The following OCA2 variants were observed in gnomAD, a reference collection of about 807,000 sequenced individuals.
OCA2 encodes P protein.
OCA2 carries 77 observed loss-of-function variants against 100.2 expected under a neutral mutation model. The ratio of observed to expected loss-of-function variants is 0.77; its 90% CI spans 0.64 to 0.93. The LOEUF is 0.93. Ranked by LOEUF, OCA2 falls within the 40% of genes least tolerant of loss-of-function variation. The pLI, the probability that OCA2 is intolerant of heterozygous loss-of-function variation, is 0.00. For missense variants in OCA2, 1,062 were observed against 1,089.1 expected (o/e 0.98, Z 0.35); for synonymous variants, 432 against 439.2 (o/e 0.98, Z 0.21).
At chr15:28,014,702 CAG>C (rs2042332874) in intron 9 of OCA2, 72 bp downstream of exon 9, 1 of 1,536,282 alleles carries the variant, frequency 6.5e-7, no homozygotes, top group Admixed American at 1.8e-5. Context: ...TGAGCCCATC[CAG>C]AGTGTCTCAC....
chr15:27,814,737 G>T (rs2034212152), intron 23 of OCA2, among the ~76,000 whole-genome samples: 1 of 152,076 alleles, frequency 6.6e-6, no homozygotes, highest in Non-Finnish European at 1.5e-5. Context: ...AATTAGCTGG[G>T]TGTGGTGATG....
chr15:27,904,488 G>A (rs776495889), intron 19 of OCA2, among the ~76,000 whole-genome samples: 34 of 152,170 alleles, frequency 2.2e-4, no homozygotes, highest in Non-Finnish European at 4.7e-4. Context: ...GGGGGTGGCT[G>A]AGAATGGCAG....
At chr15:27,800,631 C>T (rs556245433) in intron 23 of OCA2, among the ~76,000 whole-genome samples, 1 of 152,012 alleles carries the variant, frequency 6.6e-6, no homozygotes, top group Admixed American at 6.5e-5. Flanking sequence ...TCAAAGTTCA[C>T]CCAAGAATAA....
chr15:27,911,506 T>G (rs2038394937), intron 19 of OCA2, among the ~76,000 whole-genome samples: 1 of 152,194 alleles, frequency 6.6e-6, no homozygotes, highest in African/African-American at 2.4e-5. Flanking sequence ...AGCATCTGCA[T>G]CTGACGAGGA....
At chr15:28,081,429 C>A (rs1005721236) in intron 2 of OCA2, among the ~76,000 whole-genome samples, 1 of 152,082 alleles carries the variant, frequency 6.6e-6, no homozygotes, top group African/African-American at 2.4e-5. Context: ...GCTACAAACT[C>A]TTTTTTCTAT....
At chr15:28,054,783 G>A (rs1461828963) in intron 2 of OCA2, among the ~76,000 whole-genome samples, 1 of 152,192 alleles carries the variant, frequency 6.6e-6, no homozygotes, top group African/African-American at 2.4e-5. Context: ...AATTTATAAA[G>A]AAAAGAGGTT....
intron 11 of OCA2, among the ~76,000 whole-genome samples, chr15:27,987,319 A>G (rs535683864): frequency 6.6e-6 from 1 of 152,278 alleles, no homozygotes; most frequent in East Asian, 1.9e-4. Context: ...TCAGCTAGTG[A>G]ATGTTCTGGA....
At chr15:27,967,258 G>C (rs988335607) in intron 14 of OCA2, among the ~76,000 whole-genome samples, 1 of 152,206 alleles carries the variant, frequency 6.6e-6, no homozygotes, top group Non-Finnish European at 1.5e-5. Context: ...CAGGACCTTA[G>C]GCAGAGGTCC....
At chr15:27,840,291 T>C (rs910395762) in intron 23 of OCA2, among the ~76,000 whole-genome samples, 2 of 151,928 alleles carry the variant, frequency 1.3e-5, no homozygotes, top group South Asian at 2.1e-4. Flanking sequence ...TCTTATTTTT[T>C]GAAAAATAAA....
At chr15:28,015,863 C>T (rs1318550709) in intron 8 of OCA2, among the ~76,000 whole-genome samples, 1 of 152,124 alleles carries the variant, frequency 6.6e-6, no homozygotes, top group African/African-American at 2.4e-5. Flanking sequence ...GAACGTCAAC[C>T]AAAAAATACC....
At chr15:27,958,667 T>C (rs954830390) in intron 15 of OCA2, among the ~76,000 whole-genome samples, 1 of 152,214 alleles carries the variant, frequency 6.6e-6, no homozygotes, top group African/African-American at 2.4e-5. Context: ...TCTTAAGATA[T>C]TCAAATATTT....
intron 19 of OCA2, among the ~76,000 whole-genome samples, chr15:27,893,373 C>T (rs939751253): frequency 6.6e-6 from 1 of 152,088 alleles, no homozygotes; most frequent in Non-Finnish European, 1.5e-5. Flanking sequence ...GAAATCAGGG[C>T]ACCCTGAAAA....
chr15:27,744,673 G>C, the OCA2 span, among the ~76,000 whole-genome samples: 4 of 152,196 alleles, frequency 2.6e-5, no homozygotes, highest in Non-Finnish European at 5.9e-5. Flanking sequence ...CAGACCCTCT[G>C]ACCTCCTGCT....
chr15:27,762,118 T>C (rs1431166040), intron 23 of OCA2, among the ~76,000 whole-genome samples: 2 of 152,138 alleles, frequency 1.3e-5, no homozygotes, highest in Non-Finnish European at 2.9e-5. Flanking sequence ...AGTGGTGAGG[T>C]CTGGGCTTTT....
chr15:27,942,711 C>A (rs1014309773), intron 18 of OCA2, among the ~76,000 whole-genome samples: 3 of 152,072 alleles, frequency 2.0e-5, no homozygotes, highest in African/African-American at 7.2e-5. Flanking sequence ...ATTCTCTCTC[C>A]CCCATGATTT....
chr15:27,914,610 C>T (rs1305218783), intron 19 of OCA2, among the ~76,000 whole-genome samples: 4 of 152,106 alleles, frequency 2.6e-5, no homozygotes, highest in African/African-American at 9.7e-5. Flanking sequence ...ATCCCATTTA[C>T]ATCAGCTATA....
chr15:28,076,441 G>A (rs2044427909), intron 2 of OCA2, among the ~76,000 whole-genome samples: 1 of 152,080 alleles, frequency 6.6e-6, no homozygotes, highest in African/African-American at 2.4e-5. Context: ...AATTTTGAAA[G>A]GGCAAATTTC....
At chr15:27,940,361 G>A (rs2039604881) in intron 18 of OCA2, among the ~76,000 whole-genome samples, 1 of 152,208 alleles carries the variant, frequency 6.6e-6, no homozygotes, top group Non-Finnish European at 1.5e-5. Flanking sequence ...GTTAGGTGAA[G>A]CCACAAGACC....
intron 23 of OCA2, among the ~76,000 whole-genome samples, chr15:27,811,813 T>G (rs922271648): frequency 3.3e-5 from 5 of 152,104 alleles, no homozygotes; most frequent in African/African-American, 4.8e-5. Context: ...ATGAGGCTAA[T>G]AAGACCAGGT....
Sources: allele counts gnomAD v4.1 joint callset (sites outside exome capture counted in the v4.1 genomes callset), GRCh38; gene constraint gnomAD v4.1.1; transcripts MANE v1.5; gene names NCBI Gene and HGNC (gene_info 2026-07-23, HGNC 2026-07-21).